The following TNRC6B variants were observed in gnomAD, a reference collection of about 807,000 sequenced individuals.
TNRC6B encodes the protein trinucleotide repeat-containing gene 6B protein.
A neutral mutation model predicts 203.6 loss-of-function variants in TNRC6B; 52 were observed. That is an observed-to-expected ratio of 0.26 (90% CI 0.20 to 0.32). The LOEUF is 0.32. TNRC6B is among the 10% of genes least tolerant of loss of function. The pLI, the probability that TNRC6B is intolerant of heterozygous loss-of-function variation, is 1.00. For missense variants in TNRC6B, 1,923 were observed against 2,286.2 expected, an observed-to-expected ratio of 0.84 and a Z score of 3.24; for synonymous variants, 838 against 845.7, an observed-to-expected ratio of 0.99 and a Z score of 0.16.
intron 1 of TNRC6B, among the ~76,000 whole-genome samples, chr22:40,221,325 G>C (rs1030238525): frequency 6.6e-6 from 1 of 152,182 alleles, no homozygotes; most frequent in South Asian, 2.1e-4. Context: ...CAGGAACAAT[G>C]TTGCTACACC....
intron 2 of TNRC6B, among the ~76,000 whole-genome samples, chr22:40,247,888 T>G (rs546439869): frequency 7.8e-4 from 119 of 152,082 alleles, no homozygotes; most frequent in Middle Eastern, 3.4e-3. Flanking sequence ...CTTGCCAACA[T>G]GAAAACCCCG....
At chr22:40,206,810 G>C (rs2146414906) in intron 1 of TNRC6B, among the ~76,000 whole-genome samples, 1 of 152,272 alleles carries the variant, frequency 6.6e-6, no homozygotes, top group Non-Finnish European at 1.5e-5. Context: ...AGAGGCGACA[G>C]GTGACACTGC....
At chr22:40,249,956 T>A (rs2070164341) in intron 2 of TNRC6B, among the ~76,000 whole-genome samples, 2 of 152,180 alleles carry the variant, frequency 1.3e-5, no homozygotes, top group African/African-American at 2.4e-5. Context: ...TTAACTCTTA[T>A]TTAGAGTCTG....
At chr22:40,203,290 C>T (rs914120685) in intron 1 of TNRC6B, among the ~76,000 whole-genome samples, 1 of 152,038 alleles carries the variant, frequency 6.6e-6, no homozygotes, top group Non-Finnish European at 1.5e-5. Flanking sequence ...TCTGGCCCAC[C>T]CCCTTAATGG....
At chr22:40,125,552 C>A (rs2068483772) in intron 2 of TNRC6B, among the ~76,000 whole-genome samples, 1 of 152,158 alleles carries the variant, frequency 6.6e-6, no homozygotes, top group Non-Finnish European at 1.5e-5. Flanking sequence ...TTCCTATCTA[C>A]CCTTCTCCCC....
At chr22:40,114,497 T>A (rs1003196341) in intron 1 of TNRC6B, among the ~76,000 whole-genome samples, 1 of 152,062 alleles carries the variant, frequency 6.6e-6, no homozygotes, top group African/African-American at 2.4e-5. Context: ...ATTTTTTACA[T>A]TTTTTTGTAG....
chr22:40,272,105 A>G (rs1601477270), intron 6 of TNRC6B, among the ~76,000 whole-genome samples: 1 of 152,198 alleles, frequency 6.6e-6, no homozygotes, highest in Non-Finnish European at 1.5e-5. Flanking sequence ...TATAAAGCCT[A>G]TGCTTGTATA....
At chr22:40,069,624 A>G (rs1362576238) in intron 1 of TNRC6B, among the ~76,000 whole-genome samples, 3 of 151,530 alleles carry the variant, frequency 2.0e-5, no homozygotes, top group African/African-American at 4.9e-5. Context: ...AGTATCTGGG[A>G]TTACAGGCAT....
chr22:40,236,518 C>T (rs931770878), intron 1 of TNRC6B, among the ~76,000 whole-genome samples: 2 of 152,130 alleles, frequency 1.3e-5, no homozygotes, highest in African/African-American at 2.4e-5. Context: ...CTTCCTGTTC[C>T]GGTCTGTCTG....
At chr22:40,297,169 G>A (rs888784743) in intron 12 of TNRC6B, among the ~76,000 whole-genome samples, 6 of 152,136 alleles carry the variant, frequency 3.9e-5, no homozygotes, top group Admixed American at 6.5e-5. Context: ...ACTTTAACAG[G>A]CCGTTTGACA....
At chr22:40,223,354 TG>T (rs1417187923) in intron 1 of TNRC6B, among the ~76,000 whole-genome samples, 1 of 152,152 alleles carries the variant, frequency 6.6e-6, no homozygotes, top group East Asian at 1.9e-4. Flanking sequence ...TTGGTCAGGC[TG>T]GACTTGAACT....
chr22:40,301,016 A>T lies in TNRC6B; in HGVS notation c.3936+11A>T. On this transcript the variant is annotated intron_variant, in intron 14 of 22. Transcript: ENST00000454349. ...CAGCAAGAGCAGCAGGTACGTGGGT[A>T]GGCAGGGTCCCTCCAGTGCTGTGTT... is the stretch of plus-strand genomic sequence containing the variant. 6.2e-7 allele frequency: 1 copy of T among 1,609,588 alleles called. No individual in the cohort carries two copies. Among genetic ancestry groups the T allele is most frequent in the Non-Finnish European group, 8.5e-7 (1 of 1,177,918 alleles).
At chr22:40,233,486 G>T (rs2069907172) in intron 1 of TNRC6B, among the ~76,000 whole-genome samples, 1 of 151,802 alleles carries the variant, frequency 6.6e-6, no homozygotes, top group Non-Finnish European at 1.5e-5. Context: ...GCCCAGCGTG[G>T]TTTCATGTGC....
chr22:40,313,584 ATTAG>A (rs2071216871), intron 19 of TNRC6B, among the ~76,000 whole-genome samples: 1 of 152,254 alleles, frequency 6.6e-6, no homozygotes, highest in South Asian at 2.1e-4. Flanking sequence ...TGGTAGACAT[ATTAG>A]TAATTGGCAC....
intron 1 of TNRC6B, among the ~76,000 whole-genome samples, chr22:40,116,900 T>C (rs753774036): frequency 6.6e-6 from 1 of 152,198 alleles, no homozygotes; most frequent in Non-Finnish European, 1.5e-5. Context: ...CCAGTGTTGG[T>C]TGAGGAAGCT....
chr22:40,106,775 C>T (rs1315050808), intron 1 of TNRC6B: 8 of 844,134 alleles, frequency 9.5e-6, no homozygotes, highest in African/African-American at 5.0e-5. Flanking sequence ...CCCATTGATA[C>T]CTCTGATCCT....
rs1441358783 is a variant in TNRC6B at position 40,281,167 on chromosome 22, C to T, written c.3460C>T (p.Pro1154Ser). Residue 1154 changes from proline (P) to serine (S), a missense_variant, in exon 11 of 23, where the codon CCC (proline) becomes TCC (serine). This residue lies in a region of TNRC6B where 599 missense variants were observed against 656.5 expected (regional missense o/e 0.91). Transcript: ENST00000454349. ...NQDGCLGDEA[P>S]CSPFSPSPSY... ...AGATGGGTGCCTTGGGGATGAGGCT[C>T]CCTGCTCTCCCTTCTCCCCTTCTCC... is the stretch of plus-strand genomic sequence containing the variant. 1.3e-6 allele frequency: 2 copies of T among 1,551,230 alleles called. No homozygotes were observed. The highest frequency in any genetic ancestry group is 8.7e-7 in the Non-Finnish European group (1 of 1,146,780).
chr22:40,121,855 C>T (rs927082604), intron 2 of TNRC6B, among the ~76,000 whole-genome samples: 1 of 152,224 alleles, frequency 6.6e-6, no homozygotes, highest in South Asian at 2.1e-4. Flanking sequence ...CTGCTAAGGT[C>T]AAAATACTGT....
intron 1 of TNRC6B, among the ~76,000 whole-genome samples, chr22:40,194,579 C>T (rs1045975392): frequency 6.6e-6 from 1 of 152,200 alleles, no homozygotes; most frequent in Admixed American, 6.5e-5. Flanking sequence ...ATCTGTATTT[C>T]AGGTAGCAGT....
Sources: allele counts gnomAD v4.1 joint callset (sites outside exome capture counted in the v4.1 genomes callset), GRCh38; gene constraint gnomAD v4.1.1; regional missense constraint gnomAD v4.1.1; transcripts MANE v1.5; gene names NCBI Gene and HGNC (gene_info 2026-07-23, HGNC 2026-07-21).